TENT5C: variants seen among roughly 807,000 people sequenced by gnomAD.
TENT5C encodes the protein terminal nucleotidyltransferase 5C.
TENT5C carries 5 observed loss-of-function variants against 22.2 expected under a neutral mutation model. The observed-to-expected ratio is 0.22, with a 90% CI of 0.12 to 0.47. The LOEUF is 0.47. TENT5C is among the 20% of genes least tolerant of loss of function. The pLI is 0.99. For synonymous variants in TENT5C, 199 were observed against 195.4 expected (o/e 1.02, Z -0.15); for missense variants, 364 against 500.9 (o/e 0.73, Z 2.61).
chr1:117,622,339 G>C (rs970967564), intron 1 of TENT5C, among the ~76,000 whole-genome samples: 1 of 144,502 alleles, frequency 6.9e-6, no homozygotes, highest in South Asian at 2.1e-4. Context: ...GTGTGTGTGT[G>C]TGTGTGTGTG....
chr1:117,614,373 C>T (rs974005661), intron 1 of TENT5C, among the ~76,000 whole-genome samples: 1 of 152,186 alleles, frequency 6.6e-6, no homozygotes, highest in Non-Finnish European at 1.5e-5. Context: ...TCATTCGAAG[C>T]GCCTGGCTCT....
At chr1:117,610,310 C>G (rs543438174) in intron 1 of TENT5C, among the ~76,000 whole-genome samples, 1 of 152,206 alleles carries the variant, frequency 6.6e-6, no homozygotes, top group East Asian at 1.9e-4. Context: ...CCGTGCCTTT[C>G]TGACTCTTTA....
chr1:117,616,871 A>G (rs1478048867), intron 1 of TENT5C, among the ~76,000 whole-genome samples: 1 of 152,202 alleles, frequency 6.6e-6, no homozygotes, highest in Non-Finnish European at 1.5e-5. Flanking sequence ...AATTTTCTAG[A>G]CAATCACTTC....
chr1:117,608,191 C>T (rs1385852448), intron 1 of TENT5C, among the ~76,000 whole-genome samples: 3 of 152,092 alleles, frequency 2.0e-5, no homozygotes, highest in African/African-American at 7.2e-5. Flanking sequence ...ATATTTCTTA[C>T]GCTGTTTTTT....
At position 117,626,665 on chromosome 1, in the gene TENT5C, G is replaced by C. The variant is rs779276450; in HGVS notation, c.*2621G>C. Reference sequence around the variant, plus strand: ...CTCACACAAGCACCAGGTACCCTGAGCTTATACTGAGTCCAGTGGTTCCTA... The same window carrying C: ...CTCACACAAGCACCAGGTACCCTGACCTTATACTGAGTCCAGTGGTTCCTA... On this transcript the variant is annotated 3_prime_UTR_variant, in exon 2 of 2. Transcript: ENST00000369448. The C allele has an allele frequency of 5.6e-5, 14 of 247,956 alleles. No homozygotes were observed. Among genetic ancestry groups the C allele is most frequent in the Admixed American group, 4.5e-4 (8 of 17,778 alleles). 15.4% of individuals were successfully genotyped at this position (247,956 alleles called of 1,614,324 possible).
intron 1 of TENT5C, among the ~76,000 whole-genome samples, chr1:117,617,114 C>G (rs3820504): frequency 0.075 from 11,347 of 152,240 alleles, 441 homozygotes; most frequent in East Asian, 0.11. Context: ...GCTCGCCCAC[C>G]TTGGGTTCCT....
rs189788264 is a variant in TENT5C, at chr1:117,610,111, T to C, written c.-28+3958T>C. 1.4e-4 allele frequency among the ~76,000 whole-genome samples: 21 copies of C among 152,212 alleles called. No homozygotes were observed. The East Asian group carries it at 2.5e-3, about 18-fold the overall frequency. On this transcript the variant is annotated intron_variant, in intron 1 of 1. Coordinates refer to ENST00000369448, the MANE Select transcript of TENT5C (RefSeq NM_017709.4). Reference sequence around the variant, plus strand: ...TCAGTTGCTAGTTCTGCTGATTCTTTCTCTTTTTTATTGTTTCCCACTGTC... The same window carrying C: ...TCAGTTGCTAGTTCTGCTGATTCTTCCTCTTTTTTATTGTTTCCCACTGTC...
intron 1 of TENT5C, among the ~76,000 whole-genome samples, chr1:117,617,167 G>T (rs1298233804): frequency 1.3e-5 from 2 of 151,968 alleles, no homozygotes; most frequent in African/African-American, 4.8e-5. Context: ...CTAGTCCAGA[G>T]ATCTAGATAA....
Position 117,624,005 on chromosome 1 carries a change from C to T in TENT5C, c.1137C>T (p.Thr379=), listed in dbSNP as rs777211109. ...SNYYVAHPPV[T]YSQPYPTWLP... The stretch of plus-strand genomic sequence containing the variant: ...ACTACGTTGCCCATCCTCCAGTCAC[C>T]TACAGCCAGCCTTACCCTACCTGGC... The change falls in exon 2 of 2, where the codon ACC becomes ACT. Residue 379 remains threonine (T), a synonymous_variant. Coordinates refer to ENST00000369448, the MANE Select transcript of TENT5C (RefSeq NM_017709.4). 6.2e-7 allele frequency: 1 copy of T among 1,613,928 alleles called. No individual in the cohort carries two copies. Among genetic ancestry groups the T allele is most frequent in the Non-Finnish European group, 8.5e-7 (1 of 1,179,950 alleles).
At chr1:117,612,679 G>C (rs1048526167) in intron 1 of TENT5C, among the ~76,000 whole-genome samples, 1 of 152,212 alleles carries the variant, frequency 6.6e-6, no homozygotes, top group African/African-American at 2.4e-5. Context: ...AACCTGGATG[G>C]AACTATGCAC....
intron 1 of TENT5C, 25 bp from the exon 2 acceptor site, chr1:117,622,817 T>C: frequency 6.5e-7 from 1 of 1,535,256 alleles, no homozygotes; most frequent in Non-Finnish European, 8.9e-7. Context: ...GAATCCTAAC[T>C]CTGCTTCTCA....
In TENT5C at chr1:117,623,078, G is replaced by C; in HGVS notation, c.210G>C (p.Arg70=). Reference sequence around the variant, plus strand: ...CAGGCATCAAAGTGCACGACGTCCGGCTGAATGGCTCCGCAGCTGGCCACG... The same window carrying C: ...CAGGCATCAAAGTGCACGACGTCCGCCTGAATGGCTCCGCAGCTGGCCACG... ...EEAGIKVHDV[R]LNGSAAGHVL... The change falls in exon 2 of 2, where the codon CGG becomes CGC. Residue 70 remains arginine (R), a synonymous_variant. Transcript: ENST00000369448. The C allele has an allele frequency of 6.2e-7, 1 of 1,614,228 alleles. No individual in the cohort carries two copies. The highest frequency in any genetic ancestry group is 1.3e-5 in the African/African-American group (1 of 75,056).
At position 117,622,033 on chromosome 1, in the gene TENT5C, A is replaced by G. The variant is rs529117855; in HGVS notation, c.-27-809A>G. Among the ~76,000 whole-genome samples the G allele has an allele frequency of 4.6e-5, 7 of 152,248 alleles. No individual in the cohort carries two copies. In the South Asian group the frequency reaches 1.5e-3, roughly 32 times the overall value. ...TTGAAGGCGCACACTGCCCGGGGGA[A>G]GTTGGCCATGTCCTGTGTTGGGCAT... On this transcript the variant is annotated intron_variant, in intron 1 of 1. Coordinates refer to ENST00000369448, the MANE Select transcript of TENT5C (RefSeq NM_017709.4).
chr1:117,612,017 G>A (rs1653680010), intron 1 of TENT5C, among the ~76,000 whole-genome samples: 1 of 152,180 alleles, frequency 6.6e-6, no homozygotes, highest in African/African-American at 2.4e-5. Flanking sequence ...GGTACCTACT[G>A]TATTGGGCAG....
At chr1:117,615,282 C>T (rs556709206) in intron 1 of TENT5C, among the ~76,000 whole-genome samples, 1 of 152,322 alleles carries the variant, frequency 6.6e-6, no homozygotes, top group African/African-American at 2.4e-5. Flanking sequence ...CTTCAAGCTC[C>T]CTGCCCCACC....
At position 117,623,950 on chromosome 1, in the gene TENT5C, C is replaced by CT; in HGVS notation, c.1084dup (p.Tyr362LeufsTer4). 1.2e-6 allele frequency: 2 copies of CT among 1,614,116 alleles called. No homozygotes were observed. The highest frequency in any genetic ancestry group is 1.7e-6 in the Non-Finnish European group (2 of 1,180,020). ...GTCACCTGTTACTACCAGCCGGCCC[C>CT]TTACGTCAGTGATGGCAACTTCAGC... On this transcript the variant is annotated frameshift_variant, in exon 2 of 2. Coordinates refer to ENST00000369448, the MANE Select transcript of TENT5C (RefSeq NM_017709.4). LOFTEE classifies it high-confidence loss of function.
At chr1:117,618,555 T>C (rs1471006342) in intron 1 of TENT5C, among the ~76,000 whole-genome samples, 1 of 152,008 alleles carries the variant, frequency 6.6e-6, no homozygotes, top group African/African-American at 2.4e-5. Flanking sequence ...TACTTAATTT[T>C]GTCACATGGA....
chr1:117,627,225 G>C lies in TENT5C; in HGVS notation c.*3181G>C, dbSNP rs891740060. On this transcript the variant is annotated 3_prime_UTR_variant, in exon 2 of 2. Transcript: ENST00000369448. Reference sequence around the variant, plus strand: ...CAGTTTGATTTTCACTGGGGTTTGAGTCACAGCAAGCTGTGTATGAACTTG... The same window carrying C: ...CAGTTTGATTTTCACTGGGGTTTGACTCACAGCAAGCTGTGTATGAACTTG... 1 of 248,072 alleles carries C rather than the reference G, an allele frequency of 4.0e-6. No homozygotes were observed. The highest frequency in any genetic ancestry group is 8.5e-6 in the Non-Finnish European group (1 of 118,136). The allele number at this position is 248,072 out of a possible 1,614,324, so 15.4% of individuals were successfully genotyped here.
intron 1 of TENT5C, among the ~76,000 whole-genome samples, chr1:117,620,357 C>G (rs1016583066): frequency 6.6e-6 from 1 of 152,184 alleles, no homozygotes; most frequent in South Asian, 2.1e-4. Context: ...ATTACAGCCT[C>G]TGGTTTCCGT....
Sources: gnomAD v4.1 joint callset for allele counts (sites outside exome capture counted in the v4.1 genomes callset) on GRCh38, gnomAD v4.1.1 for gene constraint, MANE v1.5 for transcripts, NCBI Gene and HGNC (gene_info 2026-07-23, HGNC 2026-07-21) for gene names.